ZNF212: variants seen among roughly 807,000 people sequenced by gnomAD.
ZNF212 encodes Zinc finger protein C2H2-150.
Under a neutral mutation model 47.3 loss-of-function variants are expected in ZNF212, and 32 were observed. The ratio of observed to expected loss-of-function variants is 0.68; its 90% CI spans 0.51 to 0.91. The LOEUF (loss-of-function observed/expected upper bound fraction) is 0.91, where lower values mean the gene tolerates loss of function less well. ZNF212 is among the 40% of genes least tolerant of loss of function. The pLI, the probability that ZNF212 is intolerant of heterozygous loss-of-function variation, is 0.00. For synonymous variants in ZNF212, 242 were observed against 253.8 expected, an observed-to-expected ratio of 0.95 and a Z score of 0.44; for missense variants, 555 against 622.8, an observed-to-expected ratio of 0.89 and a Z score of 1.16.
intron 1 of ZNF212, among the ~76,000 whole-genome samples, chr7:149,243,888 T>C (rs1328878247): frequency 6.6e-6 from 1 of 152,164 alleles, no homozygotes; most frequent in African/African-American, 2.4e-5. Flanking sequence ...TTTTGAGCAC[T>C]TGAAATGTTA....
chr7:149,248,662 G>A (rs1796710764), intron 1 of ZNF212, among the ~76,000 whole-genome samples: 1 of 152,232 alleles, frequency 6.6e-6, no homozygotes, highest in Non-Finnish European at 1.5e-5. Context: ...CTGGGCCACA[G>A]AAAGAGGAGA....
chr7:149,248,276 T>C (rs1796705697), intron 1 of ZNF212, among the ~76,000 whole-genome samples: 2 of 152,216 alleles, frequency 1.3e-5, no homozygotes, highest in African/African-American at 4.8e-5. Context: ...AAAGGTCCTC[T>C]GTTTTAAGGA....
At chr7:149,243,903 G>A (rs531242447) in intron 1 of ZNF212, among the ~76,000 whole-genome samples, 2 of 152,208 alleles carry the variant, frequency 1.3e-5, no homozygotes, top group East Asian at 3.9e-4. Context: ...ATGTTAGCTA[G>A]TATGATTGAG....
At chr7:149,244,859 G>C (rs969129748) in intron 1 of ZNF212, among the ~76,000 whole-genome samples, 1 of 152,172 alleles carries the variant, frequency 6.6e-6, no homozygotes, top group Admixed American at 6.5e-5. Context: ...CTGGCTGCCT[G>C]TGATTTGCCC....
At chr7:149,248,406 A>T (rs373818737) in intron 1 of ZNF212, among the ~76,000 whole-genome samples, 1 of 152,196 alleles carries the variant, frequency 6.6e-6, no homozygotes, top group Admixed American at 6.5e-5. Context: ...GTTTTACTGT[A>T]TTATTTTGAG....
chr7:149,239,734 G>C lies in ZNF212; in HGVS notation c.-45G>C, dbSNP rs368453182. The C allele has an allele frequency of 7.8e-7, 1 of 1,278,394 alleles. No individual in the cohort carries two copies. The highest frequency in any genetic ancestry group is 9.9e-7 in the Non-Finnish European group (1 of 1,006,788). 79.2% of individuals were successfully genotyped at this position (1,278,394 alleles called of 1,614,324 possible). On this transcript the variant is annotated 5_prime_UTR_variant, in exon 1 of 5. Coordinates refer to ENST00000335870, the MANE Select transcript of ZNF212 (RefSeq NM_012256.4). ...CGCCGAGCGGACAGGAACGCAGCACGGGGGCTCCGAGGCGGGGTCTGGGTG... is the reference window on the plus strand; with the variant it reads ...CGCCGAGCGGACAGGAACGCAGCACCGGGGCTCCGAGGCGGGGTCTGGGTG...
Position 149,250,720 on chromosome 7 carries a change from G to A in ZNF212, c.454G>A (p.Glu152Lys), listed in dbSNP as rs145118937. Reference sequence around the variant, plus strand: ...GGAGAATGATGGCGTCTGTTTCACCGAGCAGGAATGGGAGAATCTGGAGGA... The same window carrying A: ...GGAGAATGATGGCGTCTGTTTCACCAAGCAGGAATGGGAGAATCTGGAGGA... ...SLENDGVCFT[E>K]QEWENLEDWQ... The change falls in exon 3 of 5, where the codon GAG becomes AAG. Residue 152 changes from glutamate to lysine, a missense_variant. Coordinates refer to ENST00000335870, the MANE Select transcript of ZNF212 (RefSeq NM_012256.4). 5.6e-6 allele frequency: 9 copies of A among 1,614,194 alleles called. No individual in the cohort carries two copies. Among genetic ancestry groups the A allele is most frequent in the Admixed American group, 3.3e-5 (2 of 60,032 alleles).
At position 149,254,237 on chromosome 7, in the gene ZNF212, G is replaced by A; in HGVS notation, c.1310G>A (p.Ser437Asn). ...TGTGGTTACTGTGGCAAGAGCTTCAGTCACCCATCTGACTTGGTGCGGCAC... is the reference window on the plus strand; with the variant it reads ...TGTGGTTACTGTGGCAAGAGCTTCAATCACCCATCTGACTTGGTGCGGCAC... ...LICGYCGKSF[S>N]HPSDLVRHQR... Residue 437 changes from serine (S) to asparagine (N), a missense_variant, in exon 5 of 5, where the codon AGT (serine) becomes AAT (asparagine). Physicochemically the swap from Ser to Asn is conservative, Grantham distance 46 (BLOSUM62 1). Coordinates refer to ENST00000335870, the MANE Select transcript of ZNF212 (RefSeq NM_012256.4). This position sits in a 1 kb window ranked among gnomAD's most constrained non-coding sequence, Gnocchi z 4.5. 1 of 1,614,274 alleles carries A rather than the reference G, an allele frequency of 6.2e-7. No homozygotes were observed. Among genetic ancestry groups the A allele is most frequent in the Non-Finnish European group, 8.5e-7 (1 of 1,180,044 alleles).
chr7:149,250,487 T>C lies in ZNF212; in HGVS notation c.353T>C (p.Leu118Pro), dbSNP rs762158885. 17 of 1,613,926 alleles carry C rather than the reference T, an allele frequency of 1.1e-5. No homozygotes were observed. The highest frequency in any genetic ancestry group is 1.4e-5 in the Non-Finnish European group (17 of 1,180,032). The stretch of plus-strand genomic sequence containing the variant: ...CGGCTGGAGAACGTGGAGAACCTGC[T>C]GCGCAACAGGAACTTCTGGATCCTG... ...QRRLENVENL[L>P]RNRNFWILRL... Residue 118 changes from leucine to proline, a missense_variant, in exon 2 of 5, where the codon CTG (leucine) becomes CCG (proline). By Grantham distance (98) the Leu-to-Pro change is moderately conservative. Transcript: ENST00000335870.
rs374440909 is a variant in ZNF212 at position 149,253,624 on chromosome 7, G to T, written c.697G>T (p.Glu233Ter). The T allele has an allele frequency of 1.2e-6, 2 of 1,614,096 alleles. No homozygotes were observed. The highest frequency in any genetic ancestry group is 1.7e-6 in the Non-Finnish European group (2 of 1,180,050). The change falls in exon 5 of 5, where the codon GAG becomes TAG. Residue 233 changes from glutamate to a stop codon, truncating the protein, a stop_gained. Transcript: ENST00000335870. LOFTEE classifies it high-confidence loss of function. ...TQEGPADLPGEFSCIAEEQAF... is the reference protein window; with the variant it reads ...TQEGPADLPG ...GGAAGGCCCTGCGGATCTTCCTGGA[G>T]AGTTCTCATGCATTGCTGAAGAGCA...
In ZNF212 at chr7:149,253,725, G is replaced by A. The variant is rs757122828; in HGVS notation, c.798G>A (p.Gly266=). 6.2e-7 allele frequency: 1 copy of A among 1,614,106 alleles called. No individual in the cohort carries two copies. The highest frequency in any genetic ancestry group is 8.5e-7 in the Non-Finnish European group (1 of 1,179,980). ...CTGTCCTCTTGGAAACAGGTCCTGGGGACTCTACTCTAGAGGAGCCTGTTG... is the reference window on the plus strand; with the variant it reads ...CTGTCCTCTTGGAAACAGGTCCTGGAGACTCTACTCTAGAGGAGCCTGTTG... ...GSSVLLETGP[G]DSTLEEPVGS... The change falls in exon 5 of 5, where the codon GGG becomes GGA. Residue 266 remains glycine, a synonymous_variant. Coordinates refer to ENST00000335870, the MANE Select transcript of ZNF212 (RefSeq NM_012256.4).
chr7:149,240,111 C>T, intron 1 of ZNF212: 1 of 345,272 alleles, frequency 2.9e-6, no homozygotes. Context: ...CAAAAGAGCC[C>T]GTTCCCAGGT....
At chr7:149,249,348 G>A (rs1796719750) in intron 1 of ZNF212, among the ~76,000 whole-genome samples, 1 of 152,146 alleles carries the variant, frequency 6.6e-6, no homozygotes, top group African/African-American at 2.4e-5. Flanking sequence ...ATTGTGGGGA[G>A]CCATTGAAAG....
intron 1 of ZNF212, among the ~76,000 whole-genome samples, chr7:149,249,094 C>T (rs1796717033): frequency 2.0e-5 from 3 of 152,090 alleles, no homozygotes; most frequent in South Asian, 4.2e-4. Context: ...TGCAGGGAGA[C>T]AGTAGGGGGA....
At chr7:149,247,064 G>A (rs1049825156) in intron 1 of ZNF212, among the ~76,000 whole-genome samples, 19 of 150,054 alleles carry the variant, frequency 1.3e-4, no homozygotes, top group East Asian at 3.9e-4. Context: ...CGCCCGCCTC[G>A]GCCTCCCAAA....
Position 149,253,970 on chromosome 7 carries a change from A to G in ZNF212, c.1043A>G (p.Glu348Gly). 6.2e-7 allele frequency: 1 copy of G among 1,614,002 alleles called. No homozygotes were observed. The highest frequency in any genetic ancestry group is 8.5e-7 in the Non-Finnish European group (1 of 1,179,970). ...HSGWGSCTPEEPEESLRPRPR... is the reference protein window; with the variant it reads ...HSGWGSCTPEGPEESLRPRPR... ...GGGTGGGGGTCTTGTACACCTGAGG[A>G]GCCAGAGGAGAGCCTTAGGCCCAGG... The change falls in exon 5 of 5, where the codon GAG becomes GGG. Residue 348 changes from glutamate (E) to glycine (G), a missense_variant. Physicochemically the swap from Glu to Gly is moderately conservative, Grantham distance 98. Transcript: ENST00000335870.
At position 149,239,756 on chromosome 7, in the gene ZNF212, G is replaced by C; in HGVS notation, c.-23G>C. ...CACGGGGGCTCCGAGGCGGGGTCTG[G>C]GTGTTGAGGGGCGACTGGAGCCATG... On this transcript the variant is annotated 5_prime_UTR_variant, in exon 1 of 5. Transcript: ENST00000335870. 7.8e-7 allele frequency: 1 copy of C among 1,276,930 alleles called. No homozygotes were observed. The highest frequency in any genetic ancestry group is 1.5e-5 in the African/African-American group (1 of 65,664). 79.1% of individuals were successfully genotyped at this position (1,276,930 alleles called of 1,614,324 possible).
rs1314028603 is a variant in ZNF212, at chr7:149,250,548, G to A, written c.414G>A (p.Lys138=). The A allele has an allele frequency of 6.2e-6, 10 of 1,610,208 alleles. No homozygotes were observed. Among genetic ancestry groups the A allele is most frequent in the Non-Finnish European group, 8.5e-6 (10 of 1,177,994 alleles). ...CGGGCAGCAAGGGGGAGGCCCCCAA[G>A]GTAGTCTCATTGAGGATTAAAAGTT... ...LPPGSKGEAP[K]VSRSLENDGV... is the part of the protein sequence containing the mutation. Residue 138 remains lysine (K), a splice_region_variant and synonymous_variant, in exon 2 of 5, where the codon AAG becomes AAA. Coordinates refer to ENST00000335870, the MANE Select transcript of ZNF212 (RefSeq NM_012256.4).
Position 149,250,796 on chromosome 7 carries a change from T to C in ZNF212, c.530T>C (p.Leu177Pro), listed in dbSNP as rs1402524602. ...RNVMESNYETLVSLKVLGQTE... is the reference protein window; with the variant it reads ...RNVMESNYETPVSLKVLGQTE... ...GTGATGGAGAGTAACTATGAGACAC[T>C]GGTCTCTCTGAGTGAGTAGCAGTTT... The change falls in exon 3 of 5, where the codon CTG becomes CCG. Residue 177 changes from leucine to proline, a missense_variant. Leu to Pro is a moderately conservative substitution (Grantham distance 98, BLOSUM62 -3). Coordinates refer to ENST00000335870, the MANE Select transcript of ZNF212 (RefSeq NM_012256.4). 1 of 1,614,228 alleles carries C rather than the reference T, an allele frequency of 6.2e-7. No individual in the cohort carries two copies. Among genetic ancestry groups the C allele is most frequent in the South Asian group, 1.1e-5 (1 of 91,086 alleles).
Sources: allele counts gnomAD v4.1 joint callset (sites outside exome capture counted in the v4.1 genomes callset), GRCh38; gene constraint gnomAD v4.1.1; non-coding constraint Gnocchi (gnomAD v3.1); transcripts MANE v1.5; gene names NCBI Gene and HGNC (gene_info 2026-07-23, HGNC 2026-07-21).